ADAM9: variants seen among roughly 807,000 people sequenced by gnomAD.
ADAM9 encodes the protein ADAM metallopeptidase domain 9.
A neutral mutation model predicts 108.1 loss-of-function variants in ADAM9; 54 were observed. The ratio of observed to expected loss-of-function variants is 0.50; its 90% CI spans 0.40 to 0.63. ADAM9 has a LOEUF of 0.63. Ranked by LOEUF, ADAM9 falls within the 20% of genes least tolerant of loss-of-function variation. The pLI is 0.00. For missense variants in ADAM9, 830 were observed against 997.7 expected, an observed-to-expected ratio of 0.83 and a Z score of 2.26; for synonymous variants, 316 against 336.0, an observed-to-expected ratio of 0.94 and a Z score of 0.65.
chr8:39,068,589 C>T (rs749865055), intron 14 of ADAM9, among the ~76,000 whole-genome samples: 2 of 139,872 alleles, frequency 1.4e-5, no homozygotes, highest in African/African-American at 2.6e-5. Context: ...GCAGGAGAAT[C>T]GCTTGAACCA....
At chr8:39,037,586 C>T (rs1837326471) in intron 11 of ADAM9, among the ~76,000 whole-genome samples, 1 of 151,296 alleles carries the variant, frequency 6.6e-6, no homozygotes, top group Non-Finnish European at 1.5e-5. Context: ...CCACCATGCC[C>T]AGCTTATTTT....
chr8:39,045,258 A>G (rs975005346), intron 12 of ADAM9, among the ~76,000 whole-genome samples: 1 of 145,688 alleles, frequency 6.9e-6, no homozygotes, highest in Non-Finnish European at 1.5e-5. Context: ...ATATATGTGT[A>G]TATATGTGTA....
rs1554579176 is a variant in ADAM9 at position 39,045,385 on chromosome 8, G to GT, written c.1302+3268_1302+3269insT. Among the ~76,000 whole-genome samples, 12 of 15,950 alleles carry GT rather than the reference G, an allele frequency of 7.5e-4. 1 individual carries two copies. The highest frequency in any genetic ancestry group is 1.2e-3 in the African/African-American group (5 of 4,166). 10.5% of individuals were successfully genotyped at this position (15,950 alleles called of 152,430 possible). ...ATAGGTGTGTGTACATACACCTATA[G>GT]GTGTGTGTACACACACCTATATGTG... On this transcript the variant is annotated intron_variant, in intron 12 of 21. Transcript: ENST00000487273.
At chr8:39,038,012 C>T (rs1017719886) in intron 11 of ADAM9, among the ~76,000 whole-genome samples, 1 of 152,164 alleles carries the variant, frequency 6.6e-6, no homozygotes, top group Non-Finnish European at 1.5e-5. Context: ...TTCTTGATTT[C>T]TCTTTTTTCT....
At chr8:39,026,927 G>A in intron 11 of ADAM9, 117 bp downstream of exon 11, 1 of 1,319,086 alleles carries the variant, frequency 7.6e-7, no homozygotes, top group Non-Finnish European at 1.1e-6. Flanking sequence ...CCGGTTTGCT[G>A]AAATTAATTG....
At chr8:38,997,249 G>A in intron 1 of ADAM9, 89 bp downstream of exon 1, 1 of 1,427,100 alleles carries the variant, frequency 7.0e-7, no homozygotes, top group South Asian at 1.2e-5. Context: ...GGAGTGGAGG[G>A]GCCCGGCCTG....
At chr8:39,084,429 G>A (rs1839119772) in intron 18 of ADAM9, among the ~76,000 whole-genome samples, 1 of 149,532 alleles carries the variant, frequency 6.7e-6, no homozygotes, top group Non-Finnish European at 1.5e-5. Flanking sequence ...ATTCAGTTCT[G>A]AATACCTTCT....
intron 18 of ADAM9, among the ~76,000 whole-genome samples, chr8:39,084,602 G>A (rs940703211): frequency 6.8e-6 from 1 of 147,664 alleles, no homozygotes; most frequent in African/African-American, 2.5e-5. Flanking sequence ...TTTTAAACTT[G>A]TCTTGTAGCC....
chr8:39,105,029 C>A lies in ADAM9; in HGVS notation c.*1329C>A. 2.4e-6 allele frequency: 1 copy of A among 417,920 alleles called. No individual in the cohort carries two copies. The highest frequency in any genetic ancestry group is 4.6e-6 in the Non-Finnish European group (1 of 217,014). The allele number at this position is 417,920 out of a possible 1,614,324, so 25.9% of individuals were successfully genotyped here. On this transcript the variant is annotated 3_prime_UTR_variant, in exon 22 of 22. Coordinates refer to ENST00000487273, the MANE Select transcript of ADAM9 (RefSeq NM_003816.3). Reference sequence around the variant, plus strand: ...TTGTGTCTCCTAGTAGCTTCCTACTCAACTATTTATAATCTCATTAATTAA... The same window carrying A: ...TTGTGTCTCCTAGTAGCTTCCTACTAAACTATTTATAATCTCATTAATTAA...
intron 1 of ADAM9, among the ~76,000 whole-genome samples, chr8:39,000,732 G>A (rs1487400353): frequency 2.0e-5 from 3 of 152,154 alleles, no homozygotes; most frequent in African/African-American, 7.2e-5. Context: ...CTCCCAAAGT[G>A]CTGGGATTAC....
rs1236931450 is a variant in ADAM9, at chr8:39,045,163, CAT to C, written c.1302+3051_1302+3052del. On this transcript the variant is annotated intron_variant, in intron 12 of 21. Transcript: ENST00000487273. ...ATATGTGTATATATGTGTATACATACATATATGTGTATATATGTGTATACATA... is the reference window on the plus strand; with the variant it reads ...ATATGTGTATATATGTGTATACATACATATGTGTATATATGTGTATACATA... Among the ~76,000 whole-genome samples the C allele has an allele frequency of 1.8e-4, 16 of 89,814 alleles. 2 individuals carry two copies. The highest frequency in any genetic ancestry group is 4.3e-4 in the African/African-American group (10 of 23,060). The allele number at this position is 89,814 out of a possible 152,430, so 58.9% of individuals were successfully genotyped here. A position where few individuals can be genotyped will look rare whatever the true frequency, so the allele number is the denominator to read the frequency against.
chr8:39,067,417 T>C lies in ADAM9; in HGVS notation c.1592-3881T>C, dbSNP rs1419150347. ...TGTTCTTCCATTTGTTTGTGTCCTC[T>C]TTTATTTCATTGAGCAGTGGTTTGT... On this transcript the variant is annotated intron_variant, in intron 14 of 21. Coordinates refer to ENST00000487273, the MANE Select transcript of ADAM9 (RefSeq NM_003816.3). 2.0e-5 allele frequency among the ~76,000 whole-genome samples: 3 copies of C among 152,258 alleles called. No homozygotes were observed. In the East Asian group the frequency reaches 5.8e-4, roughly 29 times the overall value.
chr8:39,103,454 A>G (rs1194333017), intron 21 of ADAM9, among the ~76,000 whole-genome samples, 153 bp from the exon 22 acceptor site: 5 of 151,970 alleles, frequency 3.3e-5, no homozygotes, highest in African/African-American at 1.2e-4. Context: ...CCTTTTAGCC[A>G]TTGAATATCA....
At chr8:39,071,598 C>G (rs1407192114) in intron 15 of ADAM9, among the ~76,000 whole-genome samples, 195 bp downstream of exon 15, 1 of 151,746 alleles carries the variant, frequency 6.6e-6, no homozygotes, top group South Asian at 2.1e-4. Flanking sequence ...TCCTGAGTAG[C>G]TGGGACTACA....
chr8:39,067,674 A>G (rs1838529532), intron 14 of ADAM9, among the ~76,000 whole-genome samples: 1 of 152,192 alleles, frequency 6.6e-6, no homozygotes, highest in South Asian at 2.1e-4. Flanking sequence ...TAGATGTACA[A>G]TCATGTCATC....
chr8:39,081,991 G>A (rs1588421713), intron 16 of ADAM9, among the ~76,000 whole-genome samples: 1 of 152,038 alleles, frequency 6.6e-6, no homozygotes, highest in East Asian at 1.9e-4. Context: ...TTTTTTCTGA[G>A]GTAATGGTTT....
At chr8:39,016,941 C>T in intron 5 of ADAM9, 1 of 434,814 alleles carries the variant, frequency 2.3e-6, no homozygotes, top group South Asian at 2.4e-5. Context: ...GTCCGGATGC[C>T]ACATTCTTAG....
chr8:39,102,197 C>T (rs970067007), intron 21 of ADAM9, among the ~76,000 whole-genome samples: 1 of 152,084 alleles, frequency 6.6e-6, no homozygotes, highest in Non-Finnish European at 1.5e-5. Context: ...AAGCAAGGGC[C>T]TTTGAGATAA....
chr8:39,045,197 T>C (rs540261774), intron 12 of ADAM9, among the ~76,000 whole-genome samples: 4 of 120,278 alleles, frequency 3.3e-5, no homozygotes. Flanking sequence ...CATACATATA[T>C]GTGTATATAT....
Sources: allele counts gnomAD v4.1 joint callset (sites outside exome capture counted in the v4.1 genomes callset), GRCh38; gene constraint gnomAD v4.1.1; transcripts MANE v1.5; gene names NCBI Gene and HGNC (gene_info 2026-07-23, HGNC 2026-07-21).